The following PURB variants were observed in gnomAD, a reference collection of about 807,000 sequenced individuals.
PURB encodes the protein transcriptional regulator protein Pur-beta.
Under a neutral mutation model 21.1 loss-of-function variants are expected in PURB, and 11 were observed. The ratio of observed to expected loss-of-function variants is 0.52; its 90% CI spans 0.33 to 0.86. PURB has a LOEUF of 0.86. Among genes scored for constraint, PURB ranks in the 40% least tolerant of loss-of-function variants. PURB has a pLI of 0.02. For missense variants in PURB, 357 were observed against 456.5 expected (o/e 0.78, Z 1.99); for synonymous variants, 246 against 210.8 (o/e 1.17, Z -1.45).
In PURB at chr7:44,882,323, T is replaced by C. The variant is rs1168944934; in HGVS notation, c.*2087A>G. 2.0e-5 allele frequency: 3 copies of C among 152,584 alleles called. No homozygotes were observed. The highest frequency in any genetic ancestry group is 4.4e-5 in the Non-Finnish European group (3 of 68,030). 9.5% of individuals were successfully genotyped at this position (152,584 alleles called of 1,614,324 possible). A position where few individuals can be genotyped will look rare whatever the true frequency, so the allele number is the denominator to read the frequency against. ...TGTCATTAAAACATCAAAAATACTATTGCTCCCATACAATTTAGGAAACAT... is the reference window on the plus strand; with the variant it reads ...TGTCATTAAAACATCAAAAATACTACTGCTCCCATACAATTTAGGAAACAT... On this transcript the variant is annotated 3_prime_UTR_variant, in exon 1 of 1. Coordinates refer to ENST00000395699, the MANE Select transcript of PURB (RefSeq NM_033224.5).
chr7:44,885,082 G>A lies in PURB; in HGVS notation c.267C>T (p.Asp89=), dbSNP rs767853044. 5.1e-6 allele frequency: 8 copies of A among 1,574,898 alleles called. No homozygotes were observed. Among genetic ancestry groups the A allele is most frequent in the African/African-American group, 4.2e-5 (3 of 71,064 alleles). ...VAAEFRDSLG[D]FIEHYAQLGP... is the part of the protein sequence containing the mutation. ...CCAGCTGCGCGTAGTGTTCTATGAA[G>A]TCGCCCAGCGAGTCGCGGAACTCGG... is the stretch of plus-strand genomic sequence containing the variant. The change falls in exon 1 of 1, where the codon GAC becomes GAT. Residue 89 remains aspartate, a synonymous_variant. Transcript: ENST00000395699.
Position 44,881,730 on chromosome 7 carries a change from A to G in PURB, c.*2680T>C, listed in dbSNP as rs961624460. On this transcript the variant is annotated 3_prime_UTR_variant, in exon 1 of 1. Coordinates refer to ENST00000395699, the MANE Select transcript of PURB (RefSeq NM_033224.5). ...TAATGACTAAGAAAATTTCTCTGGT[A>G]ACCAAAGCTGATGCCATATATGGTA... is the stretch of plus-strand genomic sequence containing the variant. 1 of 154,606 alleles carries G rather than the reference A, an allele frequency of 6.5e-6. No individual in the cohort carries two copies. Among genetic ancestry groups the G allele is most frequent in the South Asian group, 2.0e-4 (1 of 4,910 alleles). The allele number at this position is 154,606 out of a possible 1,614,324, so 9.6% of individuals were successfully genotyped here.
Position 44,884,886 on chromosome 7 carries a change from C to T in PURB, c.463G>A (p.Gly155Ser). ...GGCCCGGGGCCCGCGCCGAAGCCGC[C>T]ACCGCCGCGGTTGACCGTTTGGCGG... The part of the protein sequence containing the change: ...RIRQTVNRGG[G>S]GFGAGPGPGG... Residue 155 changes from glycine to serine, a missense_variant, in exon 1 of 1, where the codon GGC becomes AGC. Coordinates refer to ENST00000395699, the MANE Select transcript of PURB (RefSeq NM_033224.5). The T allele has an allele frequency of 1.3e-6, 2 of 1,562,824 alleles. No homozygotes were observed. Among genetic ancestry groups the T allele is most frequent in the Non-Finnish European group, 1.7e-6 (2 of 1,156,900 alleles).
At position 44,885,154 on chromosome 7, in the gene PURB, G is replaced by A. The variant is rs773177751; in HGVS notation, c.195C>T (p.Gly65=). Residue 65 remains glycine, a synonymous_variant, in exon 1 of 1, where the codon GGC becomes GGT. Coordinates refer to ENST00000395699, the MANE Select transcript of PURB (RefSeq NM_033224.5). ...TGAGGCGGCTCTTGGAACCGCCCGCGCCCACCTCGGCGATCTTGAGGAAGC... is the reference window on the plus strand; with the variant it reads ...TGAGGCGGCTCTTGGAACCGCCCGCACCCACCTCGGCGATCTTGAGGAAGC... The part of the protein sequence containing the change: ...KGRFLKIAEV[G]AGGSKSRLTL... 3 of 1,573,288 alleles carry A rather than the reference G, an allele frequency of 1.9e-6. No individual in the cohort carries two copies. Among genetic ancestry groups the A allele is most frequent in the African/African-American group, 2.8e-5 (2 of 70,524 alleles).
At position 44,877,946 on chromosome 7, in the gene PURB, T is replaced by C. The variant is rs997895953; in HGVS notation, c.*6464A>G. On this transcript the variant is annotated 3_prime_UTR_variant, in exon 1 of 1. Coordinates refer to ENST00000395699, the MANE Select transcript of PURB (RefSeq NM_033224.5). Reference sequence around the variant, plus strand: ...TACAACACAAATGTGTTTAATGATATAATCCAGTTCTTCAGTTCTCTTGGG... The same window carrying C: ...TACAACACAAATGTGTTTAATGATACAATCCAGTTCTTCAGTTCTCTTGGG... 1.3e-5 allele frequency: 2 copies of C among 152,208 alleles called. No individual in the cohort carries two copies. The highest frequency in any genetic ancestry group is 4.8e-5 in the African/African-American group (2 of 41,454). The allele number at this position is 152,208 out of a possible 1,614,324, so 9.4% of individuals were successfully genotyped here. A position where few individuals can be genotyped will look rare whatever the true frequency, so the allele number is the denominator to read the frequency against.
At position 44,883,262 on chromosome 7, in the gene PURB, A is replaced by T. The variant is rs1793905696; in HGVS notation, c.*1148T>A. The T allele has an allele frequency of 6.6e-6, 1 of 152,658 alleles. No individual in the cohort carries two copies. Among genetic ancestry groups the T allele is most frequent in the Admixed American group, 6.5e-5 (1 of 15,290 alleles). 9.5% of individuals were successfully genotyped at this position (152,658 alleles called of 1,614,324 possible). ...CCACAGATTAAACTGAAGGTAAATT[A>T]AGACTTCAGTTTTGGTTATTTCCAA... On this transcript the variant is annotated 3_prime_UTR_variant, in exon 1 of 1. Transcript: ENST00000395699.
At position 44,885,382 on chromosome 7, in the gene PURB, C is replaced by T; in HGVS notation, c.-34G>A. 4 of 926,958 alleles carry T rather than the reference C, an allele frequency of 4.3e-6. No homozygotes were observed. Among genetic ancestry groups the T allele is most frequent in the African/African-American group, 1.8e-5 (1 of 56,230 alleles). 57.4% of individuals were successfully genotyped at this position (926,958 alleles called of 1,614,324 possible). A position where few individuals can be genotyped will look rare whatever the true frequency, so the allele number is the denominator to read the frequency against. Reference sequence around the variant, plus strand: ...CCGCCGCCTCGCCGCCACCGCCCGCCGCGCTCGCGCCCCCGCCCTCCGGCT... The same window carrying T: ...CCGCCGCCTCGCCGCCACCGCCCGCTGCGCTCGCGCCCCCGCCCTCCGGCT... On this transcript the variant is annotated 5_prime_UTR_variant, in exon 1 of 1. Coordinates refer to ENST00000395699, the MANE Select transcript of PURB (RefSeq NM_033224.5).
In PURB at chr7:44,877,716, A is replaced by AT. The variant is rs1224617938; in HGVS notation, c.*6693dup. 1 of 152,194 alleles carries AT rather than the reference A, an allele frequency of 6.6e-6. No individual in the cohort carries two copies. The highest frequency in any genetic ancestry group is 1.5e-5 in the Non-Finnish European group (1 of 68,130). The allele number at this position is 152,194 out of a possible 1,614,324, so 9.4% of individuals were successfully genotyped here. On this transcript the variant is annotated 3_prime_UTR_variant, in exon 1 of 1. Transcript: ENST00000395699. ...CTACTTGGGAGGCTGAGGCAGGAGA[A>AT]TCGCTTGAGCCCGGGAGGCAAAGGT...
chr7:44,877,489 C>T lies in PURB; in HGVS notation c.*6921G>A, dbSNP rs977158021. 6.6e-6 allele frequency: 1 copy of T among 152,164 alleles called. No individual in the cohort carries two copies. Among genetic ancestry groups the T allele is most frequent in the African/African-American group, 2.4e-5 (1 of 41,428 alleles). 9.4% of individuals were successfully genotyped at this position (152,164 alleles called of 1,614,324 possible). On this transcript the variant is annotated 3_prime_UTR_variant, in exon 1 of 1. Coordinates refer to ENST00000395699, the MANE Select transcript of PURB (RefSeq NM_033224.5). ...AAAGCCAGTTTCTAGACTTTTTGGT[C>T]AACCTACTGACTTTTAGAAATTCAG...
In PURB at chr7:44,884,696, T is replaced by C; in HGVS notation, c.653A>G (p.Glu218Gly). ...AGGPGGGLYG[E>G]LPEGTSITVD... ...GGTGATGGAGGTGCCCTCCGGGAGC[T>C]CTCCATACAGGCCGCCCCCTGGGCC... The change falls in exon 1 of 1, where the codon GAG (glutamate) becomes GGG (glycine). Residue 218 changes from glutamate (E) to glycine (G), a missense_variant. Transcript: ENST00000395699. 3.1e-6 allele frequency: 5 copies of C among 1,613,804 alleles called. No individual in the cohort carries two copies. Among genetic ancestry groups the C allele is most frequent in the Non-Finnish European group, 4.2e-6 (5 of 1,179,992 alleles).
chr7:44,885,357 C>T lies in PURB; in HGVS notation c.-9G>A, dbSNP rs1378382877. The T allele has an allele frequency of 3.5e-6, 4 of 1,159,066 alleles. No individual in the cohort carries two copies. The African/African-American group carries it at 4.8e-5, about 14-fold the overall frequency. 71.8% of individuals were successfully genotyped at this position (1,159,066 alleles called of 1,614,324 possible). ...CTGTCGCCGTCCGCCATCTTCTAGGCCGCCGCCTCGCCGCCACCGCCCGCC... is the reference window on the plus strand; with the variant it reads ...CTGTCGCCGTCCGCCATCTTCTAGGTCGCCGCCTCGCCGCCACCGCCCGCC... On this transcript the variant is annotated 5_prime_UTR_variant, in exon 1 of 1. Coordinates refer to ENST00000395699, the MANE Select transcript of PURB (RefSeq NM_033224.5).
chr7:44,882,842 AC>A lies in PURB; in HGVS notation c.*1567del, dbSNP rs1435770462. 2 of 152,218 alleles carry A rather than the reference AC, an allele frequency of 1.3e-5. No individual in the cohort carries two copies. The highest frequency in any genetic ancestry group is 2.9e-5 in the Non-Finnish European group (2 of 68,022). The allele number at this position is 152,218 out of a possible 1,614,324, so 9.4% of individuals were successfully genotyped here. ...CAATTCAAAGTTACCTAGGTCTATG[AC>A]ATTTCTAGGAATACCTTTTGATGGG... is the stretch of plus-strand genomic sequence containing the variant. On this transcript the variant is annotated 3_prime_UTR_variant, in exon 1 of 1. Transcript: ENST00000395699.
rs1793809596 is a variant in PURB, at chr7:44,876,948, G to T, written c.*7462C>A. On this transcript the variant is annotated 3_prime_UTR_variant, in exon 1 of 1. Transcript: ENST00000395699. ...ATTCATACACAGGAATACACACTTGGTTTACAATGCATAAGCATGTGGGTA... is the reference window on the plus strand; with the variant it reads ...ATTCATACACAGGAATACACACTTGTTTTACAATGCATAAGCATGTGGGTA... 1 of 152,578 alleles carries T rather than the reference G, an allele frequency of 6.6e-6. No individual in the cohort carries two copies. Among genetic ancestry groups the T allele is most frequent in the South Asian group, 2.1e-4 (1 of 4,834 alleles). 9.5% of individuals were successfully genotyped at this position (152,578 alleles called of 1,614,324 possible).
Position 44,884,269 on chromosome 7 carries a change from T to G in PURB, c.*141A>C. On this transcript the variant is annotated 3_prime_UTR_variant, in exon 1 of 1. Coordinates refer to ENST00000395699, the MANE Select transcript of PURB (RefSeq NM_033224.5). ...ACTGTTCTCTTACGATTATTTCTCT[T>G]AACTGTGTTACGTTTTGTTTTTTCC... The G allele has an allele frequency of 6.9e-7, 1 of 1,451,260 alleles. No homozygotes were observed. Among genetic ancestry groups the G allele is most frequent in the Non-Finnish European group, 9.1e-7 (1 of 1,103,028 alleles). The allele number at this position is 1,451,260 out of a possible 1,614,324, so 89.9% of individuals were successfully genotyped here. A position where few individuals can be genotyped will look rare whatever the true frequency, so the allele number is the denominator to read the frequency against.
Position 44,881,908 on chromosome 7 carries a change from AC to A in PURB, c.*2501del, listed in dbSNP as rs1752499732. 1.3e-5 allele frequency: 2 copies of A among 154,744 alleles called. No homozygotes were observed. The highest frequency in any genetic ancestry group is 2.9e-5 in the Non-Finnish European group (2 of 68,226). 9.6% of individuals were successfully genotyped at this position (154,744 alleles called of 1,614,324 possible). A position where few individuals can be genotyped will look rare whatever the true frequency, so the allele number is the denominator to read the frequency against. On this transcript the variant is annotated 3_prime_UTR_variant, in exon 1 of 1. Coordinates refer to ENST00000395699, the MANE Select transcript of PURB (RefSeq NM_033224.5). Reference sequence around the variant, plus strand: ...AGGCTAGTTACTGCAATTCAGCCAAACAAAAAGAAAAAAGAATAAACCAACC... The same window carrying A: ...AGGCTAGTTACTGCAATTCAGCCAAAAAAAAGAAAAAAGAATAAACCAACC...
chr7:44,881,393 TTC>T lies in PURB; in HGVS notation c.*3015_*3016del, dbSNP rs1324623967. On this transcript the variant is annotated 3_prime_UTR_variant, in exon 1 of 1. Coordinates refer to ENST00000395699, the MANE Select transcript of PURB (RefSeq NM_033224.5). ...ACGAATGAATCTGTGTTTTGCAGGT[TTC>T]TATTGTCCCTAGTGACTGGAGTGAA... 6.6e-6 allele frequency: 1 copy of T among 152,568 alleles called. No individual in the cohort carries two copies. Among genetic ancestry groups the T allele is most frequent in the Non-Finnish European group, 1.5e-5 (1 of 68,010 alleles). The allele number at this position is 152,568 out of a possible 1,614,324, so 9.5% of individuals were successfully genotyped here. A position where few individuals can be genotyped will look rare whatever the true frequency, so the allele number is the denominator to read the frequency against.
rs1248611446 is a variant in PURB, at chr7:44,881,613, C to A, written c.*2797G>T. ...TTTTAATATAAATTACTTTTGCCAA[C>A]ACATAGCTTATGCATTCTTTGCTCC... is the stretch of plus-strand genomic sequence containing the variant. On this transcript the variant is annotated 3_prime_UTR_variant, in exon 1 of 1. Coordinates refer to ENST00000395699, the MANE Select transcript of PURB (RefSeq NM_033224.5). 2 of 152,650 alleles carry A rather than the reference C, an allele frequency of 1.3e-5. No homozygotes were observed. The highest frequency in any genetic ancestry group is 4.8e-5 in the African/African-American group (2 of 41,446). The allele number at this position is 152,650 out of a possible 1,614,324, so 9.5% of individuals were successfully genotyped here.
At position 44,884,393 on chromosome 7, in the gene PURB, AG is replaced by A. The variant is rs1348777148; in HGVS notation, c.*16del. On this transcript the variant is annotated 3_prime_UTR_variant, in exon 1 of 1. Coordinates refer to ENST00000395699, the MANE Select transcript of PURB (RefSeq NM_033224.5). ...GGATGGTGGTTGGGTGGAGGCCTGTAGGGGAAGCTGCCCGTTTCAATCCTCA... is the reference window on the plus strand; with the variant it reads ...GGATGGTGGTTGGGTGGAGGCCTGTAGGGAAGCTGCCCGTTTCAATCCTCA... The A allele has an allele frequency of 1.2e-6, 2 of 1,609,302 alleles. No individual in the cohort carries two copies. The highest frequency in any genetic ancestry group is 8.5e-7 in the Non-Finnish European group (1 of 1,178,294).
In PURB at chr7:44,885,119, A is replaced by G. The variant is rs1297873603; in HGVS notation, c.230T>C (p.Met77Thr). 1.3e-6 allele frequency: 2 copies of G among 1,577,290 alleles called. No homozygotes were observed. Among genetic ancestry groups the G allele is most frequent in the Non-Finnish European group, 1.7e-6 (2 of 1,166,934 alleles). Residue 77 changes from methionine (M) to threonine (T), a missense_variant, in exon 1 of 1, where the codon ATG becomes ACG. Coordinates refer to ENST00000395699, the MANE Select transcript of PURB (RefSeq NM_033224.5). ...GGSKSRLTLS[M>T]AVAAEFRDSL... Reference sequence around the variant, plus strand: ...GTCGCGGAACTCGGCGGCCACCGCCATGGACAGCGTGAGGCGGCTCTTGGA... The same window carrying G: ...GTCGCGGAACTCGGCGGCCACCGCCGTGGACAGCGTGAGGCGGCTCTTGGA...
Sources: gnomAD v4.1 joint callset for allele counts on GRCh38, gnomAD v4.1.1 for gene constraint, MANE v1.5 for transcripts, NCBI Gene and HGNC (gene_info 2026-07-23, HGNC 2026-07-21) for gene names.